The following EIF2B3 variants were observed in gnomAD, a reference collection of about 807,000 sequenced individuals.
EIF2B3 encodes eukaryotic translation initiation factor 2B subunit gamma.
Under a neutral mutation model 54.1 loss-of-function variants are expected in EIF2B3, and 20 were observed. That is an observed-to-expected ratio of 0.37 (90% CI 0.26 to 0.54). The LOEUF is 0.54. EIF2B3 is among the 20% of genes least tolerant of loss of function. EIF2B3 has a pLI of 0.86. For missense variants in EIF2B3, 448 were observed against 547.8 expected (o/e 0.82, Z 1.82); for synonymous variants, 153 against 188.1 (o/e 0.81, Z 1.52).
intron 3 of EIF2B3, among the ~76,000 whole-genome samples, chr1:44,947,917 G>C (rs1021868706): frequency 5.9e-5 from 9 of 151,926 alleles, no homozygotes; most frequent in African/African-American, 2.2e-4. Context: ...ATATTGCCCA[G>C]GCTGGTCTCA....
intron 6 of EIF2B3, among the ~76,000 whole-genome samples, chr1:44,885,275 A>G (rs1424583632): frequency 6.6e-6 from 1 of 152,244 alleles, no homozygotes; most frequent in African/African-American, 2.4e-5. Context: ...ATTGCTATGA[A>G]TAGGGCAAAG....
At chr1:44,963,993 T>C (rs956655683) in intron 3 of EIF2B3, among the ~76,000 whole-genome samples, 1 of 152,160 alleles carries the variant, frequency 6.6e-6, no homozygotes, top group East Asian at 1.9e-4. Flanking sequence ...ACAGAAGTCC[T>C]ATCCCACAGA....
intron 4 of EIF2B3, among the ~76,000 whole-genome samples, chr1:44,928,372 G>T (rs1028663238): frequency 3.9e-5 from 6 of 152,228 alleles, no homozygotes; most frequent in African/African-American, 1.4e-4. Context: ...ACTTGTACCT[G>T]GGAGGCAGAG....
In EIF2B3 at chr1:44,850,864, G is replaced by C; in HGVS notation, c.*87C>G. On this transcript the variant is annotated 3_prime_UTR_variant, in exon 12 of 12. Coordinates refer to ENST00000360403, the MANE Select transcript of EIF2B3 (RefSeq NM_020365.5). ...ATGCCTTTGGAAGCCCTTCTTTATT[G>C]GGAAATAAATACAGAGTTAAACAGG... The C allele has an allele frequency of 6.8e-7, 1 of 1,472,488 alleles. No individual in the cohort carries two copies. The highest frequency in any genetic ancestry group is 9.5e-7 in the Non-Finnish European group (1 of 1,052,610). 91.2% of individuals were successfully genotyped at this position (1,472,488 alleles called of 1,614,324 possible). A position where few individuals can be genotyped will look rare whatever the true frequency, so the allele number is the denominator to read the frequency against.
intron 10 of EIF2B3, among the ~76,000 whole-genome samples, chr1:44,867,547 ACAATTTTATG>A (rs1654820580): frequency 6.6e-6 from 1 of 152,086 alleles, no homozygotes; most frequent in Non-Finnish European, 1.5e-5. Flanking sequence ...TCCCTTCTGA[ACAATTTTATG>A]CTCCTACCCT....
rs569435371 is a variant in EIF2B3, at chr1:44,881,645, C to T, written c.751G>A (p.Glu251Lys). ...TTCAGCTCCTTTTTCTTTAGATCCTCCTCTTTTTCTTCTTGTCCCTGTTGT... is the reference window on the plus strand; with the variant it reads ...TTCAGCTCCTTTTTCTTTAGATCCTTCTCTTTTTCTTCTTGTCCCTGTTGT... ...SSQQGQEEKE[E>K]DLKKKELKSL... The change falls in exon 7 of 12, where the codon GAG becomes AAG. Residue 251 changes from glutamate to lysine, a missense_variant. By Grantham distance (56) the Glu-to-Lys change is moderately conservative. Coordinates refer to ENST00000360403, the MANE Select transcript of EIF2B3 (RefSeq NM_020365.5). The surrounding 1 kb of genome is among the most constrained non-coding windows in gnomAD (Gnocchi z 4.0). The T allele has an allele frequency of 2.5e-6, 4 of 1,614,062 alleles. No individual in the cohort carries two copies. The highest frequency in any genetic ancestry group is 3.4e-6 in the Non-Finnish European group (4 of 1,180,042).
intron 10 of EIF2B3, among the ~76,000 whole-genome samples, chr1:44,864,293 G>A (rs139824642): frequency 5.3e-5 from 8 of 152,276 alleles, no homozygotes; most frequent in African/African-American, 9.6e-5. Context: ...TGCTGGGCTC[G>A]GTGGCTCATG....
intron 1 of EIF2B3, among the ~76,000 whole-genome samples, chr1:44,984,003 C>T (rs937493945): frequency 2.0e-4 from 31 of 151,932 alleles, no homozygotes; most frequent in Non-Finnish European, 3.1e-4. Context: ...CCACTGCGCC[C>T]GGCCTCTACC....
At chr1:44,938,066 T>C (rs910196828) in intron 4 of EIF2B3, among the ~76,000 whole-genome samples, 3 of 152,062 alleles carry the variant, frequency 2.0e-5, no homozygotes, top group Non-Finnish European at 4.4e-5. Context: ...AGATTAGCCA[T>C]TCCCCTATAA....
chr1:44,933,073 GA>G (rs899135864), intron 4 of EIF2B3, among the ~76,000 whole-genome samples: 1 of 152,118 alleles, frequency 6.6e-6, no homozygotes, highest in Non-Finnish European at 1.5e-5. Context: ...TGAAGAATTT[GA>G]AATTGAGAGG....
At chr1:44,955,366 G>A (rs1412652858) in intron 3 of EIF2B3, among the ~76,000 whole-genome samples, 7 of 152,042 alleles carry the variant, frequency 4.6e-5, no homozygotes, top group East Asian at 3.9e-4. Context: ...AAATTAAATC[G>A]AGATGGATTA....
chr1:44,891,096 T>C lies in EIF2B3; in HGVS notation c.656+6259A>G, dbSNP rs78423473. Among the ~76,000 whole-genome samples, 33 of 152,278 alleles carry C rather than the reference T, an allele frequency of 2.2e-4. No individual in the cohort carries two copies. In the East Asian group the frequency reaches 5.4e-3, roughly 25 times the overall value. ...AGATGGGAAAAAAAAGAGACTTTTT[T>C]TAAATTTTTAAATTTTTTTAAAGAT... On this transcript the variant is annotated intron_variant, in intron 6 of 11. Transcript: ENST00000360403.
Position 44,926,740 on chromosome 1 carries a change from C to A in EIF2B3, c.455-1G>T, listed in dbSNP as rs1643856675. 6.2e-7 allele frequency: 1 copy of A among 1,612,382 alleles called. No individual in the cohort carries two copies. Among genetic ancestry groups the A allele is most frequent in the Non-Finnish European group, 8.5e-7 (1 of 1,179,242 alleles). On this transcript the variant is annotated splice_acceptor_variant, in intron 4 of 11. Coordinates refer to ENST00000360403, the MANE Select transcript of EIF2B3 (RefSeq NM_020365.5). LOFTEE classifies it high-confidence loss of function. ...ACTCCAATGAAGTCACGCTGCTCCA[C>A]TGAATCATACAAAAGAAAAAAAAAA...
At chr1:44,904,021 G>A (rs1171977159) in intron 5 of EIF2B3, among the ~76,000 whole-genome samples, 1 of 152,158 alleles carries the variant, frequency 6.6e-6, no homozygotes, top group Admixed American at 6.5e-5. Context: ...AGGTTGCAAT[G>A]AGCTGAGATC....
intron 4 of EIF2B3, among the ~76,000 whole-genome samples, chr1:44,930,289 T>C (rs1254203928): frequency 6.6e-6 from 1 of 152,134 alleles, no homozygotes; most frequent in African/African-American, 2.4e-5. Context: ...CAGGCAAGGA[T>C]ATTATGAGAA....
intron 5 of EIF2B3, among the ~76,000 whole-genome samples, chr1:44,906,737 C>T (rs977468122): frequency 3.9e-5 from 6 of 152,138 alleles, no homozygotes; most frequent in Admixed American, 1.3e-4. Flanking sequence ...CAGACATTCC[C>T]CACCCTTGAG....
intron 10 of EIF2B3, 146 bp downstream of exon 10, chr1:44,874,532 A>T: frequency 2.4e-6 from 2 of 820,602 alleles, no homozygotes; most frequent in Non-Finnish European, 3.7e-6. Flanking sequence ...GAGACTTTTG[A>T]TATCTGAAAA....
At chr1:44,852,601 G>A (rs1654308711) in intron 11 of EIF2B3, among the ~76,000 whole-genome samples, 1 of 152,064 alleles carries the variant, frequency 6.6e-6, no homozygotes, top group South Asian at 2.1e-4. Context: ...CCAACATGAT[G>A]GAACCCCATC....
chr1:44,977,642 T>G (rs1414592497), intron 3 of EIF2B3, among the ~76,000 whole-genome samples: 1 of 152,132 alleles, frequency 6.6e-6, no homozygotes, highest in African/African-American at 2.4e-5. Context: ...TTTTTGTCTT[T>G]TTAGTAGAGA....
Sources: gnomAD v4.1 joint callset for allele counts (sites outside exome capture counted in the v4.1 genomes callset) on GRCh38, gnomAD v4.1.1 for gene constraint, Gnocchi (gnomAD v3.1) non-coding constraint, MANE v1.5 for transcripts, NCBI Gene and HGNC (gene_info 2026-07-23, HGNC 2026-07-21) for gene names.